The following AGAP1 variants were observed in gnomAD, a reference collection of about 807,000 sequenced individuals.
AGAP1 encodes arf-GAP with GTPase, ANK repeat and PH domain-containing protein 1.
A neutral mutation model predicts 105.3 loss-of-function variants in AGAP1; 29 were observed. The observed-to-expected ratio is 0.28, with a 90% CI of 0.21 to 0.38. The LOEUF (loss-of-function observed/expected upper bound fraction) is 0.38, where lower values mean the gene tolerates loss of function less well. Among genes scored for constraint, AGAP1 ranks in the 10% least tolerant of loss-of-function variants. The pLI, the probability that AGAP1 is intolerant of heterozygous loss-of-function variation, is 1.00. For missense variants in AGAP1, 998 were observed against 1,165.1 expected, an observed-to-expected ratio of 0.86 and a Z score of 2.09; for synonymous variants, 509 against 485.9, an observed-to-expected ratio of 1.05 and a Z score of -0.63.
chr2:236,100,137 A>G (rs1439204678), intron 16 of AGAP1, among the ~76,000 whole-genome samples: 1 of 152,162 alleles, frequency 6.6e-6, no homozygotes, highest in Non-Finnish European at 1.5e-5. Flanking sequence ...ATCCACACCC[A>G]TGCAGCCAGC....
At chr2:235,709,327 C>T (rs1950711255) in intron 2 of AGAP1, 90 bp downstream of exon 2, 1 of 1,434,450 alleles carries the variant, frequency 7.0e-7, no homozygotes, top group Non-Finnish European at 9.8e-7. Flanking sequence ...TGGTCATCGC[C>T]TGGGGCCCAG....
Position 235,723,214 on chromosome 2 carries a change from C to A in AGAP1, c.310+5570C>A, listed in dbSNP as rs1440383651. 6.6e-6 allele frequency among the ~76,000 whole-genome samples: 1 copy of A among 152,184 alleles called. No individual in the cohort carries two copies. Among genetic ancestry groups the A allele is most frequent in the Non-Finnish European group, 1.5e-5 (1 of 68,032 alleles). On this transcript the variant is annotated intron_variant, in intron 3 of 17. Transcript: ENST00000304032. This position sits in a 1 kb window ranked among gnomAD's most constrained non-coding sequence, Gnocchi z 6.2. Reference sequence around the variant, plus strand: ...GAATGAGATGAAAATTAGTTATTTGCCAATTGAGCCCTATTAATGGCTGCT... The same window carrying A: ...GAATGAGATGAAAATTAGTTATTTGACAATTGAGCCCTATTAATGGCTGCT...
At position 236,005,355 on chromosome 2, in the gene AGAP1, G is replaced by A. The variant is rs1245573022; in HGVS notation, c.1646-31206G>A. Among the ~76,000 whole-genome samples, 1 of 151,966 alleles carries A rather than the reference G, an allele frequency of 6.6e-6. No homozygotes were observed. Among genetic ancestry groups the A allele is most frequent in the African/African-American group, 2.4e-5 (1 of 41,362 alleles). Reference sequence around the variant, plus strand: ...GTTGTTTCACCATGTTGCCCAGGCTGGTCTCAAACTCCTGACCTCAAATGA... The same window carrying A: ...GTTGTTTCACCATGTTGCCCAGGCTAGTCTCAAACTCCTGACCTCAAATGA... On this transcript the variant is annotated intron_variant, in intron 13 of 17. Transcript: ENST00000304032. This position sits in a 1 kb window ranked among gnomAD's most constrained non-coding sequence, Gnocchi z 4.1.
At chr2:236,026,790 G>A (rs925369410) in intron 13 of AGAP1, among the ~76,000 whole-genome samples, 6 of 152,180 alleles carry the variant, frequency 3.9e-5, no homozygotes, top group African/African-American at 1.4e-4. Context: ...TTCTGGGGAA[G>A]CTAGTTTCAA....
At chr2:236,064,969 T>G (rs731651) in intron 16 of AGAP1, among the ~76,000 whole-genome samples, 2 of 152,314 alleles carry the variant, frequency 1.3e-5, no homozygotes, top group East Asian at 3.9e-4. Flanking sequence ...TTGTTTTCTT[T>G]CCAAAAACTA....
intron 1 of AGAP1, among the ~76,000 whole-genome samples, chr2:235,579,979 CAT>C (rs1944874410): frequency 6.6e-6 from 1 of 151,924 alleles, no homozygotes; most frequent in Non-Finnish European, 1.5e-5. Context: ...CTGGACATTT[CAT>C]ATAAACAGAA....
chr2:235,973,919 T>C lies in AGAP1; in HGVS notation c.1645+5296T>C, dbSNP rs1031525383. Among the ~76,000 whole-genome samples, 1 of 152,154 alleles carries C rather than the reference T, an allele frequency of 6.6e-6. No individual in the cohort carries two copies. Among genetic ancestry groups the C allele is most frequent in the Admixed American group, 6.5e-5 (1 of 15,278 alleles). ...GGAAAAGCGCCTGGGCAGTGGGATTTTGCAGATCTTTAATGGCTTGTCAGC... is the reference window on the plus strand; with the variant it reads ...GGAAAAGCGCCTGGGCAGTGGGATTCTGCAGATCTTTAATGGCTTGTCAGC... On this transcript the variant is annotated intron_variant, in intron 13 of 17. Coordinates refer to ENST00000304032, the MANE Select transcript of AGAP1 (RefSeq NM_001037131.3). The surrounding 1 kb of genome is among the most constrained non-coding windows in gnomAD (Gnocchi z 4.7).
At chr2:235,606,181 C>A (rs13425802) in intron 1 of AGAP1, among the ~76,000 whole-genome samples, 5,409 of 152,266 alleles carry the variant, frequency 0.036, 327 homozygotes, top group African/African-American at 0.12. Flanking sequence ...CAGTGGCTTG[C>A]GTTCCATTGG....
Position 236,049,280 on chromosome 2 carries a change from A to G in AGAP1, c.2113A>G (p.Arg705Gly). The part of the protein sequence containing the change: ...GRTKPSVDST[R>G]EEKERWIRAK... ...GACGAAACCATCGGTAGACTCCACA[A>G]GGTAGGAACTTTGGAAGATGCCTGG... The change falls in exon 16 of 18, where the codon AGG becomes GGG. Residue 705 changes from arginine (R) to glycine (G), a missense_variant and splice_region_variant. Physicochemically the swap from Arg to Gly is moderately radical, Grantham distance 125 (BLOSUM62 -2). Coordinates refer to ENST00000304032, the MANE Select transcript of AGAP1 (RefSeq NM_001037131.3). 3 of 1,608,274 alleles carry G rather than the reference A, an allele frequency of 1.9e-6. No individual in the cohort carries two copies. Among genetic ancestry groups the G allele is most frequent in the Non-Finnish European group, 1.7e-6 (2 of 1,175,128 alleles).
chr2:235,807,379 C>T, intron 9 of AGAP1, 48 bp downstream of exon 9: 1 of 1,520,894 alleles, frequency 6.6e-7, no homozygotes, highest in Non-Finnish European at 8.9e-7. Flanking sequence ...AGATACACCT[C>T]AGGTCTTCCT....
At chr2:235,644,140 C>G (rs1947294441) in intron 1 of AGAP1, among the ~76,000 whole-genome samples, 1 of 152,156 alleles carries the variant, frequency 6.6e-6, no homozygotes, top group African/African-American at 2.4e-5. Flanking sequence ...TTGTAGATGT[C>G]ATAGGATTAT....
chr2:236,032,631 C>T (rs1033474660), intron 13 of AGAP1, among the ~76,000 whole-genome samples: 1 of 151,980 alleles, frequency 6.6e-6, no homozygotes, highest in Non-Finnish European at 1.5e-5. Flanking sequence ...CACGCGTGCA[C>T]GTGTCTGCTT....
At chr2:235,756,935 G>T (rs2149752402) in intron 6 of AGAP1, among the ~76,000 whole-genome samples, 1 of 149,122 alleles carries the variant, frequency 6.7e-6, no homozygotes, top group Admixed American at 6.7e-5. Flanking sequence ...GTGCCAAAAA[G>T]GTTGGGGACT....
Position 236,120,215 on chromosome 2 carries a change from G to A in AGAP1, c.2138G>A (p.Arg713His), listed in dbSNP as rs766895412. The A allele has an allele frequency of 9.9e-6, 16 of 1,612,568 alleles. No homozygotes were observed. The highest frequency in any genetic ancestry group is 4.5e-5 in the East Asian group (2 of 44,858). Residue 713 changes from arginine to histidine, a missense_variant, in exon 17 of 18, where the codon CGT becomes CAT. By Grantham distance (29) the Arg-to-His change is conservative (BLOSUM62 0). This residue lies in a region of AGAP1 where 235 missense variants were observed against 270.7 expected (regional missense o/e 0.87). Transcript: ENST00000304032. This position sits in a 1 kb window ranked among gnomAD's most constrained non-coding sequence, Gnocchi z 6.0. ...STREEKERWI[R>H]AKYEQKLFLA... ...AGGGAAGAGAAGGAACGGTGGATCC[G>A]TGCCAAGTACGAGCAGAAGCTCTTC...
chr2:235,875,229 C>G lies in AGAP1; in HGVS notation c.1051-8116C>G, dbSNP rs1269307865. On this transcript the variant is annotated intron_variant, in intron 9 of 17. Coordinates refer to ENST00000304032, the MANE Select transcript of AGAP1 (RefSeq NM_001037131.3). This position sits in a 1 kb window ranked among gnomAD's most constrained non-coding sequence, Gnocchi z 4.0. The stretch of plus-strand genomic sequence containing the variant: ...TGTATCTGCCAACCAGAGAGCAACT[C>G]CCGTTGTTTGTTTTCACCTTTTAGA... Among the ~76,000 whole-genome samples the G allele has an allele frequency of 6.6e-6, 1 of 152,196 alleles. No homozygotes were observed. The highest frequency in any genetic ancestry group is 1.5e-5 in the Non-Finnish European group (1 of 68,032).
chr2:236,043,415 T>C (rs2057616257), intron 15 of AGAP1, among the ~76,000 whole-genome samples: 1 of 152,320 alleles, frequency 6.6e-6, no homozygotes. Flanking sequence ...CTTTGCTACC[T>C]TTAAAAATCA....
intron 1 of AGAP1, among the ~76,000 whole-genome samples, chr2:235,576,177 G>A (rs1944726585): frequency 6.6e-6 from 1 of 152,156 alleles, no homozygotes; most frequent in East Asian, 1.9e-4. Flanking sequence ...CATACCTGGC[G>A]CAACCCTGGG....
rs540853784 is a variant in AGAP1, at chr2:235,664,769, G to T, written c.164-44410G>T. On this transcript the variant is annotated intron_variant, in intron 1 of 17. Coordinates refer to ENST00000304032, the MANE Select transcript of AGAP1 (RefSeq NM_001037131.3). This position sits in a 1 kb window ranked among gnomAD's most constrained non-coding sequence, Gnocchi z 5.7. ...TGAATCTCCCGTGTTCCTCATGCAT[G>T]GGTAGAACTAAAGCCTCTTCTTCTG... Among the ~76,000 whole-genome samples, 15 of 152,256 alleles carry T rather than the reference G, an allele frequency of 9.9e-5. No individual in the cohort carries two copies. The South Asian group carries it at 3.1e-3, about 32-fold the overall frequency.
At chr2:235,506,267 A>G (rs571728846) in intron 1 of AGAP1, among the ~76,000 whole-genome samples, 40 of 152,224 alleles carry the variant, frequency 2.6e-4, no homozygotes, top group Non-Finnish European at 4.3e-4. Context: ...TCGGGTTTCA[A>G]TATTTTAAAA....
Sources: gnomAD v4.1 joint callset for allele counts (sites outside exome capture counted in the v4.1 genomes callset) on GRCh38, gnomAD v4.1.1 for gene constraint, gnomAD v4.1.1 regional missense constraint, Gnocchi (gnomAD v3.1) non-coding constraint, MANE v1.5 for transcripts, NCBI Gene and HGNC (gene_info 2026-07-23, HGNC 2026-07-21) for gene names.